ADGRB3: variants seen among roughly 807,000 people sequenced by gnomAD.
The protein encoded by ADGRB3 is brain-specific angiogenesis inhibitor 3.
ADGRB3 carries 37 observed loss-of-function variants against 193.4 expected under a neutral mutation model. That is an observed-to-expected ratio of 0.19 (90% CI 0.15 to 0.25). ADGRB3 has a LOEUF of 0.25. Among genes scored for constraint, ADGRB3 ranks in the 10% least tolerant of loss-of-function variants. ADGRB3 has a pLI of 1.00. For missense variants in ADGRB3, 1,637 were observed against 1,852.9 expected (o/e 0.88, Z 2.14); for synonymous variants, 690 against 644.2 (o/e 1.07, Z -1.08).
At chr6:69,287,073 T>G (rs1258716945) in intron 20 of ADGRB3, among the ~76,000 whole-genome samples, 1 of 152,200 alleles carries the variant, frequency 6.6e-6, no homozygotes, top group Non-Finnish European at 1.5e-5. Flanking sequence ...ATATAATGTT[T>G]TGTATTGCAC....
intron 28 of ADGRB3, among the ~76,000 whole-genome samples, chr6:69,360,122 A>T (rs1429208920): frequency 6.6e-6 from 1 of 151,968 alleles, no homozygotes; most frequent in East Asian, 1.9e-4. Flanking sequence ...TCCCTAAATC[A>T]TTATTCTTAG....
rs1562128943 is a variant in ADGRB3 at position 69,031,064 on chromosome 6, C to T, written c.2107+12565C>T. Among the ~76,000 whole-genome samples, 106 of 49,346 alleles carry T rather than the reference C, an allele frequency of 2.1e-3. 6 individuals carry two copies. The highest frequency in any genetic ancestry group is 3.1e-3 in the Non-Finnish European group (63 of 20,376). 32.4% of individuals were successfully genotyped at this position (49,346 alleles called of 152,430 possible). A position where few individuals can be genotyped will look rare whatever the true frequency, so the allele number is the denominator to read the frequency against. ...CTCTTCTCTTCTCTTCTCTTCTCTT[C>T]TCTTCTCTTCTCTTCTCTTCTCTTC... is the stretch of plus-strand genomic sequence containing the variant. On this transcript the variant is annotated intron_variant, in intron 13 of 31. Coordinates refer to ENST00000370598, the MANE Select transcript of ADGRB3 (RefSeq NM_001704.3).
intron 13 of ADGRB3, among the ~76,000 whole-genome samples, chr6:69,020,808 A>G (rs1770240673): frequency 6.6e-6 from 1 of 152,076 alleles, no homozygotes; most frequent in African/African-American, 2.4e-5. Context: ...TTTGGTGACT[A>G]GAACTGAGGG....
At chr6:69,139,049 C>T (rs986401509) in intron 17 of ADGRB3, among the ~76,000 whole-genome samples, 2 of 152,218 alleles carry the variant, frequency 1.3e-5, no homozygotes, top group Non-Finnish European at 2.9e-5. Flanking sequence ...GAGATAATCT[C>T]TATGTTGAGT....
At chr6:68,991,471 A>T (rs1769234802) in intron 10 of ADGRB3, among the ~76,000 whole-genome samples, 1 of 151,918 alleles carries the variant, frequency 6.6e-6, no homozygotes, top group South Asian at 2.1e-4. Flanking sequence ...ACTCCATTTT[A>T]GGTAGGAAGT....
intron 30 of ADGRB3, among the ~76,000 whole-genome samples, chr6:69,381,839 A>G (rs1769952587): frequency 6.6e-6 from 1 of 151,964 alleles, no homozygotes; most frequent in African/African-American, 2.4e-5. Flanking sequence ...TATGAGGCAT[A>G]TGCTTAAAAT....
intron 20 of ADGRB3, among the ~76,000 whole-genome samples, chr6:69,243,312 C>T (rs1033250485): frequency 3.9e-5 from 6 of 151,930 alleles, no homozygotes; most frequent in African/African-American, 1.4e-4. Context: ...ATTCAGGAAG[C>T]TCAATGAGGG....
rs1366209423 is a variant in ADGRB3, at chr6:69,183,302, T to A, written c.2481-49988T>A. 3.9e-5 allele frequency among the ~76,000 whole-genome samples: 6 copies of A among 152,150 alleles called. No homozygotes were observed. In the East Asian group the frequency reaches 1.2e-3, roughly 29 times the overall value. Reference sequence around the variant, plus strand: ...AAAATCTATAAGTACTTCAATGACTTAAAATTGCCCTGCACTATACAAAGT... The same window carrying A: ...AAAATCTATAAGTACTTCAATGACTAAAAATTGCCCTGCACTATACAAAGT... On this transcript the variant is annotated intron_variant, in intron 17 of 31. Transcript: ENST00000370598.
intron 17 of ADGRB3, among the ~76,000 whole-genome samples, chr6:69,120,005 G>C (rs1188313377): frequency 1.3e-5 from 2 of 152,130 alleles, no homozygotes; most frequent in African/African-American, 4.8e-5. Context: ...TAGGGATGGT[G>C]AAAAATGGTC....
rs769906337 is a variant in ADGRB3 at position 69,382,866 on chromosome 6, A to G, written c.4311A>G (p.Leu1437=). The change falls in exon 31 of 32, where the codon CTA becomes CTG. Residue 1437 remains leucine (L), a synonymous_variant. Transcript: ENST00000370598. ...VMHTRKRHME[L]FQELNQKFQT... Reference sequence around the variant, plus strand: ...ATACAAGGAAGAGGCATATGGAACTATTTCAAGAACTAAATCAGAAATTTC... The same window carrying G: ...ATACAAGGAAGAGGCATATGGAACTGTTTCAAGAACTAAATCAGAAATTTC... 4 of 1,609,340 alleles carry G rather than the reference A, an allele frequency of 2.5e-6. No homozygotes were observed. The East Asian group carries it at 9.0e-5, about 36-fold the overall frequency.
intron 17 of ADGRB3, among the ~76,000 whole-genome samples, chr6:69,185,613 T>C (rs1299617575): frequency 1.3e-5 from 2 of 152,168 alleles, no homozygotes; most frequent in African/African-American, 2.4e-5. Flanking sequence ...TTCATTCTTA[T>C]CACTTCTTTT....
chr6:69,005,605 C>T (rs557886504), intron 11 of ADGRB3, among the ~76,000 whole-genome samples: 4 of 152,206 alleles, frequency 2.6e-5, no homozygotes, highest in African/African-American at 7.2e-5. Context: ...CCACCATTCC[C>T]GGCCGACCTA....
At chr6:68,947,340 A>G (rs1767799856) in intron 6 of ADGRB3, among the ~76,000 whole-genome samples, 1 of 152,116 alleles carries the variant, frequency 6.6e-6, no homozygotes, top group Non-Finnish European at 1.5e-5. Context: ...TTTTCATTGT[A>G]GTCATTAATT....
Position 69,018,402 on chromosome 6 carries a change from G to A in ADGRB3, c.2010G>A (p.Gly670=). ...GCTTATTTTTCTAGATTTATCCAGG[G>A]TCAATAGAGTTAATGCAGGTGATTG... ...KWEDAQQIYP[G]SIELMQVIED... Residue 670 remains glycine (G), a synonymous_variant, in exon 13 of 32, where the codon GGG becomes GGA. Transcript: ENST00000370598. 2.5e-6 allele frequency: 4 copies of A among 1,598,730 alleles called. No homozygotes were observed. Among genetic ancestry groups the A allele is most frequent in the Non-Finnish European group, 3.4e-6 (4 of 1,168,816 alleles).
chr6:68,899,933 A>G (rs1766347445), intron 3 of ADGRB3, among the ~76,000 whole-genome samples: 1 of 152,114 alleles, frequency 6.6e-6, no homozygotes, highest in South Asian at 2.1e-4. Context: ...TCAGGCGTTC[A>G]GTAGCTGACT....
chr6:69,354,177 C>T lies in ADGRB3; in HGVS notation c.3460-56C>T. On this transcript the variant is annotated intron_variant, in intron 26 of 31. Transcript: ENST00000370598. ...CCTCAGAGCTGATTGCCAAGATAGACAGTATCTTGTCATTATTAAGAGAGA... is the reference window on the plus strand; with the variant it reads ...CCTCAGAGCTGATTGCCAAGATAGATAGTATCTTGTCATTATTAAGAGAGA... The T allele has an allele frequency of 4.0e-6, 5 of 1,245,878 alleles. No homozygotes were observed. The South Asian group carries it at 4.8e-5, about 12-fold the overall frequency. 77.2% of individuals were successfully genotyped at this position (1,245,878 alleles called of 1,614,324 possible). A position where few individuals can be genotyped will look rare whatever the true frequency, so the allele number is the denominator to read the frequency against.
chr6:69,319,052 T>A (rs1284267048), intron 20 of ADGRB3, among the ~76,000 whole-genome samples: 1 of 151,044 alleles, frequency 6.6e-6, no homozygotes, highest in Non-Finnish European at 1.5e-5. Flanking sequence ...TCCGATTTTA[T>A]CTTTTTAAAA....
chr6:68,988,511 C>T (rs1193068719), intron 10 of ADGRB3, among the ~76,000 whole-genome samples: 1 of 152,012 alleles, frequency 6.6e-6, no homozygotes, highest in African/African-American at 2.4e-5. Context: ...CCAAGCTGAC[C>T]ATTATAGATC....
At chr6:69,029,976 GCACACACA>G (rs10653397) in intron 13 of ADGRB3, among the ~76,000 whole-genome samples, 1 of 145,198 alleles carries the variant, frequency 6.9e-6, no homozygotes, top group African/African-American at 2.6e-5. Flanking sequence ...TATATAGAAT[GCACACACA>G]CACACACACA....
Sources: gnomAD v4.1 joint callset for allele counts (sites outside exome capture counted in the v4.1 genomes callset) on GRCh38, gnomAD v4.1.1 for gene constraint, MANE v1.5 for transcripts, NCBI Gene and HGNC (gene_info 2026-07-23, HGNC 2026-07-21) for gene names.